Variants in MAN1A2 observed in about 807,000 individuals in gnomAD.
The protein encoded by MAN1A2 is mannosidase alpha class 1A member 2.
A neutral mutation model predicts 75.7 loss-of-function variants in MAN1A2; 26 were observed. The ratio of observed to expected loss-of-function variants is 0.34; its 90% CI spans 0.25 to 0.48. The LOEUF (loss-of-function observed/expected upper bound fraction) is 0.48. MAN1A2 is among the 20% of genes least tolerant of loss of function. MAN1A2 has a pLI of 0.99. For missense variants in MAN1A2, 562 were observed against 775.5 expected, an observed-to-expected ratio of 0.72 and a Z score of 3.27; for synonymous variants, 247 against 264.6, an observed-to-expected ratio of 0.93 and a Z score of 0.65.
chr1:117,455,860 C>G (rs184795871), intron 6 of MAN1A2, among the ~76,000 whole-genome samples: 95 of 151,352 alleles, frequency 6.3e-4, no homozygotes, highest in African/African-American at 2.2e-3. Flanking sequence ...TACATATCCT[C>G]TCAAATTAAA....
intron 12 of MAN1A2, among the ~76,000 whole-genome samples, chr1:117,505,280 ATC>A (rs773806206): frequency 2.0e-5 from 3 of 151,180 alleles, no homozygotes; most frequent in Non-Finnish European, 4.4e-5. Context: ...TAATTCTCAA[ATC>A]TCTCATCATT....
At chr1:117,399,866 C>G (rs1221193020) in intron 1 of MAN1A2, among the ~76,000 whole-genome samples, 1 of 151,968 alleles carries the variant, frequency 6.6e-6, no homozygotes, top group Non-Finnish European at 1.5e-5. Flanking sequence ...CCTTTTTTCT[C>G]TCTGGTTGAA....
At chr1:117,454,889 T>C (rs879401318) in intron 6 of MAN1A2, among the ~76,000 whole-genome samples, 2 of 152,096 alleles carry the variant, frequency 1.3e-5, no homozygotes, top group Non-Finnish European at 2.9e-5. Flanking sequence ...GTGGGAAGGT[T>C]AATGGTTTAT....
rs773602339 is a variant in MAN1A2 at position 117,493,280 on chromosome 1, A to T, written c.1284+18A>T. 6.8e-7 allele frequency: 1 copy of T among 1,478,406 alleles called. No homozygotes were observed. Among genetic ancestry groups the T allele is most frequent in the South Asian group, 1.1e-5 (1 of 88,098 alleles). The allele number at this position is 1,478,406 out of a possible 1,614,324, so 91.6% of individuals were successfully genotyped here. A position where few individuals can be genotyped will look rare whatever the true frequency, so the allele number is the denominator to read the frequency against. ...CTATTGAGGTGATTATTTCCAGAAC[A>T]TTTTTCTACTTAATGGATTGAATGT... On this transcript the variant is annotated intron_variant, in intron 9 of 12. Transcript: ENST00000356554.
chr1:117,446,509 A>C (rs1649240949), intron 6 of MAN1A2, among the ~76,000 whole-genome samples: 2 of 152,102 alleles, frequency 1.3e-5, no homozygotes, highest in Admixed American at 1.3e-4. Flanking sequence ...AGTTCAAAAT[A>C]ATTTCTCATT....
At chr1:117,493,432 C>G (rs1232247113) in intron 9 of MAN1A2, 170 bp downstream of exon 9, 2 of 455,140 alleles carry the variant, frequency 4.4e-6, no homozygotes, top group Non-Finnish European at 3.9e-6. Flanking sequence ...AATAGAAAAG[C>G]CTCATATTAA....
Position 117,524,274 on chromosome 1 carries a change from T to C in MAN1A2, c.*1317T>C, listed in dbSNP as rs907770598. On this transcript the variant is annotated 3_prime_UTR_variant, in exon 13 of 13. Coordinates refer to ENST00000356554, the MANE Select transcript of MAN1A2 (RefSeq NM_006699.5). ...GTAGGTTTTGCATTGATATTTCTTTTTAAATAAACTACTAGTTCTTTATAT... is the reference window on the plus strand; with the variant it reads ...GTAGGTTTTGCATTGATATTTCTTTCTAAATAAACTACTAGTTCTTTATAT... 1 of 152,230 alleles carries C rather than the reference T, an allele frequency of 6.6e-6. No individual in the cohort carries two copies. The highest frequency in any genetic ancestry group is 1.5e-5 in the Non-Finnish European group (1 of 67,832). The allele number at this position is 152,230 out of a possible 1,614,324, so 9.4% of individuals were successfully genotyped here.
chr1:117,471,018 G>GT (rs200743380), intron 8 of MAN1A2, among the ~76,000 whole-genome samples: 19 of 149,176 alleles, frequency 1.3e-4, no homozygotes, highest in Admixed American at 2.7e-4. Flanking sequence ...CAAATTACTA[G>GT]TTTTTTTTTC....
At chr1:117,437,405 C>A (rs1459163240) in intron 5 of MAN1A2, among the ~76,000 whole-genome samples, 1 of 152,028 alleles carries the variant, frequency 6.6e-6, no homozygotes. Flanking sequence ...AAATAGCTAC[C>A]AACCCAGAAT....
At position 117,523,032 on chromosome 1, in the gene MAN1A2, G is replaced by A. The variant is rs41312694; in HGVS notation, c.*75G>A. ...ACTACAGAAATTAGTTTGAAGGGGC[G>A]GCTTTTGAAAACCTGGACCTCTATG... On this transcript the variant is annotated 3_prime_UTR_variant, in exon 13 of 13. Coordinates refer to ENST00000356554, the MANE Select transcript of MAN1A2 (RefSeq NM_006699.5). 30,665 of 1,555,218 alleles carry A rather than the reference G, an allele frequency of 0.02. 406 individuals carry two copies. The highest frequency in any genetic ancestry group is 0.022 in the Non-Finnish European group (24,525 of 1,136,496).
chr1:117,521,752 A>G (rs1651877615), intron 12 of MAN1A2, among the ~76,000 whole-genome samples: 1 of 151,974 alleles, frequency 6.6e-6, no homozygotes, highest in Admixed American at 6.6e-5. Flanking sequence ...ACAGTTCACC[A>G]TTGCAACCCA....
At position 117,526,862 on chromosome 1, in the gene MAN1A2, CTCTCTCTCTCTCTCTCTCTATA is replaced by C. The variant is rs1483012670; in HGVS notation, c.*3907_*3928del. On this transcript the variant is annotated 3_prime_UTR_variant, in exon 13 of 13. Transcript: ENST00000356554. ...TTTTCCTCTCTCTCTCTCTCTCTCT[CTCTCTCTCTCTCTCTCTCTATA>C]TATATATATATATATATATATATAT... is the stretch of plus-strand genomic sequence containing the variant. The C allele has an allele frequency of 8.4e-5, 8 of 95,344 alleles. No homozygotes were observed. The allele number at this position is 95,344 out of a possible 1,614,324, so 5.9% of individuals were successfully genotyped here.
At chr1:117,413,139 G>A (rs1009213456) in intron 3 of MAN1A2, among the ~76,000 whole-genome samples, 2 of 151,878 alleles carry the variant, frequency 1.3e-5, no homozygotes, top group African/African-American at 4.8e-5. Flanking sequence ...GTAATAAAAA[G>A]CTGAGGAACG....
At chr1:117,494,159 G>A (rs1167219451) in intron 9 of MAN1A2, 1 of 152,026 alleles carries the variant, frequency 6.6e-6, no homozygotes. Context: ...TCTGGCTGCC[G>A]AGCCAGTGTT....
intron 5 of MAN1A2, among the ~76,000 whole-genome samples, chr1:117,438,950 G>A (rs1271706154): frequency 1.3e-5 from 2 of 152,166 alleles, no homozygotes; most frequent in Non-Finnish European, 2.9e-5. Flanking sequence ...AAAATAAAGT[G>A]GGATGGGGCA....
Position 117,368,116 on chromosome 1 carries a change from G to A in MAN1A2, c.-68G>A. On this transcript the variant is annotated 5_prime_UTR_variant, in exon 1 of 13. Transcript: ENST00000356554. ...CATTTTGGCCAAGATTTTGAAGACA[G>A]TTCAATGTATTCTACATTTGACATA... The A allele has an allele frequency of 7.0e-7, 1 of 1,438,832 alleles. No homozygotes were observed. The highest frequency in any genetic ancestry group is 1.3e-5 in the South Asian group (1 of 74,084). 89.1% of individuals were successfully genotyped at this position (1,438,832 alleles called of 1,614,324 possible).
chr1:117,477,812 G>A (rs1348299129), intron 8 of MAN1A2, among the ~76,000 whole-genome samples: 1 of 151,972 alleles, frequency 6.6e-6, no homozygotes, highest in East Asian at 1.9e-4. Context: ...AAGAAATAAA[G>A]GGCATTCAAA....
rs537582054 is a variant in MAN1A2, at chr1:117,445,593, C to A, written c.950+3268C>A. Reference sequence around the variant, plus strand: ...ATCGACTGGAGTACAATGGCACAATCACAGCTCACTGCAGCCTTGACCTGC... The same window carrying A: ...ATCGACTGGAGTACAATGGCACAATAACAGCTCACTGCAGCCTTGACCTGC... On this transcript the variant is annotated intron_variant, in intron 6 of 12. Coordinates refer to ENST00000356554, the MANE Select transcript of MAN1A2 (RefSeq NM_006699.5). Among the ~76,000 whole-genome samples, 348 of 151,812 alleles carry A rather than the reference C, an allele frequency of 2.3e-3. 4 individuals carry two copies. The highest frequency in any genetic ancestry group is 7.9e-3 in the African/African-American group (327 of 41,384).
At chr1:117,486,746 A>G (rs893909233) in intron 8 of MAN1A2, among the ~76,000 whole-genome samples, 7 of 152,000 alleles carry the variant, frequency 4.6e-5, no homozygotes, top group Admixed American at 1.3e-4. Context: ...TCAATTTCCA[A>G]TTAATGAGCG....
Sources: gnomAD v4.1 joint callset for allele counts (sites outside exome capture counted in the v4.1 genomes callset) on GRCh38, gnomAD v4.1.1 for gene constraint, MANE v1.5 for transcripts, NCBI Gene and HGNC (gene_info 2026-07-23, HGNC 2026-07-21) for gene names.